DYM: variants seen among roughly 807,000 people sequenced by gnomAD.
DYM encodes dyggve-Melchior-Clausen syndrome protein.
A neutral mutation model predicts 93.1 loss-of-function variants in DYM; 78 were observed. That is an observed-to-expected ratio of 0.84 (90% CI 0.70 to 1.01). The LOEUF is 1.01. Ranked by LOEUF, DYM falls within the 50% of genes least tolerant of loss-of-function variation. DYM has a pLI of 0.00. For missense variants in DYM, 789 were observed against 845.0 expected, an observed-to-expected ratio of 0.93 and a Z score of 0.82; for synonymous variants, 321 against 319.7, an observed-to-expected ratio of 1.00 and a Z score of -0.04.
intron 17 of DYM, among the ~76,000 whole-genome samples, chr18:49,071,249 T>A (rs2076863643): frequency 6.6e-6 from 1 of 152,256 alleles, no homozygotes; most frequent in African/African-American, 2.4e-5. Context: ...TTTGAATGCT[T>A]TCATTAGTGA....
intron 8 of DYM, among the ~76,000 whole-genome samples, chr18:49,292,158 A>G (rs1043811471): frequency 6.6e-6 from 1 of 152,132 alleles, no homozygotes; most frequent in African/African-American, 2.4e-5. Context: ...TTGCACAAAC[A>G]AAATTCTGAT....
At chr18:49,335,522 G>T (rs1266665018) in intron 6 of DYM, among the ~76,000 whole-genome samples, 2 of 152,158 alleles carry the variant, frequency 1.3e-5, no homozygotes, top group Admixed American at 1.3e-4. Context: ...CTTCTTTCAT[G>T]AATTGAATGA....
At chr18:49,442,143 A>G (rs1181986525) in intron 1 of DYM, among the ~76,000 whole-genome samples, 1 of 152,154 alleles carries the variant, frequency 6.6e-6, no homozygotes, top group African/African-American at 2.4e-5. Flanking sequence ...AACAAAATCT[A>G]CTTACACAAA....
intron 8 of DYM, among the ~76,000 whole-genome samples, chr18:49,289,746 T>TATATATATATATATATACAC (rs2059939717): frequency 2.3e-5 from 1 of 42,864 alleles, no homozygotes; most frequent in African/African-American, 1.2e-4. Context: ...TATATATATA[T>TATATATATATATATATACAC]ATATATATAT....
chr18:49,423,207 G>C (rs1233805479), intron 2 of DYM, among the ~76,000 whole-genome samples: 1 of 152,168 alleles, frequency 6.6e-6, no homozygotes, highest in African/African-American at 2.4e-5. Flanking sequence ...TCAGACCACA[G>C]TGCAACCAAA....
At chr18:49,406,241 T>A (rs1214862410) in intron 2 of DYM, among the ~76,000 whole-genome samples, 2 of 152,182 alleles carry the variant, frequency 1.3e-5, no homozygotes, top group East Asian at 3.8e-4. Flanking sequence ...AGGATGACCA[T>A]TATTTTTATT....
rs189615259 is a variant in DYM at position 49,220,998 on chromosome 18, C to T, written c.1461-11283G>A. 3.5e-3 allele frequency among the ~76,000 whole-genome samples: 528 copies of T among 152,162 alleles called. 4 individuals are homozygous for T. The highest frequency in any genetic ancestry group is 0.012 in the African/African-American group (487 of 41,524). On this transcript the variant is annotated intron_variant, in intron 13 of 17. Coordinates refer to ENST00000675505, the MANE Select transcript of DYM (RefSeq NM_001353214.3). ...AGAGAATGGGAGAAAATTTTCGCAA[C>T]CTACTCATCTGACAAAGGGCTAATA...
intron 14 of DYM, among the ~76,000 whole-genome samples, chr18:49,179,499 T>C (rs1401693834): frequency 3.3e-5 from 5 of 152,142 alleles, no homozygotes; most frequent in African/African-American, 7.2e-5. Flanking sequence ...TTGGAATATA[T>C]AGTTACCACA....
chr18:49,422,049 G>A (rs111232710), intron 2 of DYM, among the ~76,000 whole-genome samples: 14,494 of 152,210 alleles, frequency 0.095, 895 homozygotes, highest in East Asian at 0.31. Flanking sequence ...TGAAAGTGAC[G>A]GGGAGAATGG....
At chr18:49,180,663 AT>A (rs2089839411) in intron 14 of DYM, among the ~76,000 whole-genome samples, 1 of 152,140 alleles carries the variant, frequency 6.6e-6, no homozygotes, top group Non-Finnish European at 1.5e-5. Context: ...AAATAACCTC[AT>A]TTTTGATGTT....
chr18:49,455,946 C>CA (rs34970715), intron 1 of DYM, among the ~76,000 whole-genome samples: 18,304 of 139,986 alleles, frequency 0.13, 1,409 homozygotes, highest in East Asian at 0.4. Context: ...CAGACTGTCT[C>CA]AAAAAAAAAA....
chr18:49,081,128 G>C (rs2077962158), intron 17 of DYM, among the ~76,000 whole-genome samples: 1 of 150,426 alleles, frequency 6.6e-6, no homozygotes, highest in African/African-American at 2.5e-5. Context: ...CTGCAATCTC[G>C]GCACTTTGGG....
intron 14 of DYM, among the ~76,000 whole-genome samples, chr18:49,202,520 C>T (rs2092092804): frequency 2.2e-5 from 3 of 135,654 alleles, no homozygotes; most frequent in Non-Finnish European, 4.7e-5. Context: ...GCGTCTCCGC[C>T]CGGCCGCCAT....
At chr18:49,441,375 T>C (rs1375773353) in intron 1 of DYM, among the ~76,000 whole-genome samples, 45 of 110,682 alleles carry the variant, frequency 4.1e-4, no homozygotes, top group African/African-American at 1.5e-3. Context: ...ATATATGGAT[T>C]GTGTGTACAA....
intron 15 of DYM, among the ~76,000 whole-genome samples, chr18:49,138,617 T>C (rs1480219811): frequency 6.6e-6 from 1 of 152,152 alleles, no homozygotes; most frequent in African/African-American, 2.4e-5. Flanking sequence ...GTTCTCCCAA[T>C]AGCTATCAGT....
chr18:49,334,175 C>T (rs1440983511), intron 6 of DYM, among the ~76,000 whole-genome samples: 1 of 152,174 alleles, frequency 6.6e-6, no homozygotes. Context: ...CTCTAGACAT[C>T]TATGTTCATT....
intron 6 of DYM, among the ~76,000 whole-genome samples, chr18:49,338,764 C>G (rs2063855771): frequency 6.6e-6 from 1 of 152,110 alleles, no homozygotes. Context: ...CTACAGAAGA[C>G]TTAATGACTT....
intron 13 of DYM, among the ~76,000 whole-genome samples, chr18:49,222,575 G>T (rs528136248): frequency 5.7e-4 from 87 of 152,152 alleles, no homozygotes; most frequent in Non-Finnish European, 1.2e-3. Flanking sequence ...AAACCAAAAA[G>T]AATAACTGCT....
intron 10 of DYM, among the ~76,000 whole-genome samples, 200 bp downstream of exon 10, chr18:49,281,797 C>G (rs1038306083): frequency 1.3e-5 from 2 of 152,026 alleles, no homozygotes; most frequent in Non-Finnish European, 2.9e-5. Context: ...ACACTGGGGC[C>G]TGTTGTGGAG....
Sources: allele counts gnomAD v4.1 joint callset (sites outside exome capture counted in the v4.1 genomes callset), GRCh38; gene constraint gnomAD v4.1.1; transcripts MANE v1.5; gene names NCBI Gene and HGNC (gene_info 2026-07-23, HGNC 2026-07-21).